Variants in CFAP44 observed in about 807,000 individuals in gnomAD.
CFAP44 encodes cilia and flagella associated protein 44, also known as cilia- and flagella-associated protein 44.
A neutral mutation model predicts 216.2 loss-of-function variants in CFAP44; 134 were observed. The observed-to-expected ratio is 0.62, with a 90% confidence interval of 0.54 to 0.72. CFAP44 has a LOEUF of 0.72. CFAP44 is among the 30% of genes least tolerant of loss of function. The probability of loss-of-function intolerance (pLI) is 0.00; values close to 1 mark genes in which losing one functional copy is unlikely to be tolerated. For synonymous variants in CFAP44, 700 were observed against 727.6 expected (o/e 0.96, Z 0.61); for missense variants, 2,035 against 2,182.1 (o/e 0.93, Z 1.34).
chr3:113,368,366 A>G (rs1217538168), intron 18 of CFAP44, among the ~76,000 whole-genome samples: 1 of 152,254 alleles, frequency 6.6e-6, no homozygotes, highest in Non-Finnish European at 1.5e-5. Context: ...CACAAAGGGA[A>G]GACCGTCAGA....
At chr3:113,408,940 A>C (rs1421522699) in intron 7 of CFAP44, among the ~76,000 whole-genome samples, 166 bp downstream of exon 7, 1 of 149,910 alleles carries the variant, frequency 6.7e-6, no homozygotes, top group Admixed American at 6.8e-5. Flanking sequence ...TAATTAGAAA[A>C]GGTGCATTAC....
At chr3:113,384,973 A>G (rs1055979857) in intron 15 of CFAP44, among the ~76,000 whole-genome samples, 1 of 152,180 alleles carries the variant, frequency 6.6e-6, no homozygotes, top group African/African-American at 2.4e-5. Context: ...AGCCCCCACA[A>G]TTCCCACATG....
At chr3:113,331,668 A>AC (rs1191497601) in intron 25 of CFAP44, among the ~76,000 whole-genome samples, 1 of 152,050 alleles carries the variant, frequency 6.6e-6, no homozygotes, top group Non-Finnish European at 1.5e-5. Context: ...AGATTAGGCC[A>AC]CCAAGAACAA....
At chr3:113,399,794 T>G in intron 13 of CFAP44, 112 bp downstream of exon 13, 2 of 662,030 alleles carry the variant, frequency 3.0e-6, no homozygotes, top group Non-Finnish European at 4.8e-6. Flanking sequence ...ACTTAAAACT[T>G]TTATTATTCC....
chr3:113,334,818 T>G (rs1950268889), intron 24 of CFAP44, among the ~76,000 whole-genome samples: 1 of 152,208 alleles, frequency 6.6e-6, no homozygotes, highest in Non-Finnish European at 1.5e-5. Context: ...TATCTAAAGG[T>G]ATGGGCTATC....
chr3:113,379,624 C>A, intron 16 of CFAP44, 73 bp from the exon 17 acceptor site: 1 of 1,199,094 alleles, frequency 8.3e-7, no homozygotes, highest in Non-Finnish European at 1.1e-6. Context: ...TTAGGGATGA[C>A]AATGAAAATA....
chr3:113,374,677 C>G (rs1042625395), intron 17 of CFAP44, among the ~76,000 whole-genome samples: 1 of 152,176 alleles, frequency 6.6e-6, no homozygotes, highest in African/African-American at 2.4e-5. Context: ...CTCTGTCACC[C>G]AGGCTGGAAT....
intron 21 of CFAP44, among the ~76,000 whole-genome samples, chr3:113,361,826 A>G (rs939739727): frequency 1.3e-5 from 2 of 151,156 alleles, no homozygotes; most frequent in South Asian, 2.1e-4. Flanking sequence ...TTTCTGCTTT[A>G]TATTTTGAAG....
At position 113,401,816 on chromosome 3, in the gene CFAP44, A is replaced by AT. The variant is rs558920706; in HGVS notation, c.1171-78dup. 3,118 of 1,418,228 alleles carry AT rather than the reference A, an allele frequency of 2.2e-3. 4 individuals are homozygous for AT. Among genetic ancestry groups the AT allele is most frequent in the Middle Eastern group, 8.3e-3 (33 of 3,970 alleles). 87.9% of individuals were successfully genotyped at this position (1,418,228 alleles called of 1,614,324 possible). A position where few individuals can be genotyped will look rare whatever the true frequency, so the allele number is the denominator to read the frequency against. On this transcript the variant is annotated intron_variant, in intron 9 of 34. Transcript: ENST00000393845. The stretch of plus-strand genomic sequence containing the variant: ...TATTTTCTAAGCCAGAAAAACCCTG[A>AT]TTTTTTTTTCAAAAGTCATTTCTTT...
chr3:113,378,024 G>A (rs1272901511), intron 17 of CFAP44, among the ~76,000 whole-genome samples: 1 of 152,132 alleles, frequency 6.6e-6, no homozygotes, highest in Non-Finnish European at 1.5e-5. Context: ...CTAAATATGC[G>A]TGGAGTTTTC....
At chr3:113,439,726 G>A (rs538859607) in intron 1 of CFAP44, among the ~76,000 whole-genome samples, 1 of 152,328 alleles carries the variant, frequency 6.6e-6, no homozygotes, top group South Asian at 2.1e-4. Context: ...GCAGAGGAGT[G>A]TGTTGCTAGA....
intron 22 of CFAP44, among the ~76,000 whole-genome samples, chr3:113,346,849 T>A (rs923286308): frequency 6.6e-6 from 1 of 152,228 alleles, no homozygotes; most frequent in African/African-American, 2.4e-5. Context: ...TCCCCTTCCA[T>A]GCTGTGGAAG....
chr3:113,404,738 AG>A, intron 8 of CFAP44, among the ~76,000 whole-genome samples: 1 of 152,288 alleles, frequency 6.6e-6, no homozygotes, highest in Middle Eastern at 3.4e-3. Flanking sequence ...ACCCCCGCAA[AG>A]GAACCATATG....
chr3:113,294,462 T>C, intron 34 of CFAP44: 1 of 500,028 alleles, frequency 2.0e-6, no homozygotes, highest in Non-Finnish European at 3.5e-6. Context: ...GATTAGTACT[T>C]ACGTGAGTTC....
chr3:113,421,301 C>T (rs139802265), intron 4 of CFAP44, among the ~76,000 whole-genome samples: 3,827 of 152,276 alleles, frequency 0.025, 60 homozygotes, highest in East Asian at 0.052. Flanking sequence ...TACCATCTCA[C>T]ACCAGTCAGA....
Position 113,358,823 on chromosome 3 carries a change from A to C in CFAP44, c.2987T>G (p.Phe996Cys). Residue 996 changes from phenylalanine (F) to cysteine (C), a missense_variant, in exon 22 of 35, where the codon TTC becomes TGC. Transcript: ENST00000393845. Reference sequence around the variant, plus strand: ...TTCCTTTTCCACTTGTTGAATTTTGAAAGCTGTTTTTCTGTGCATCTCAGC... The same window carrying C: ...TTCCTTTTCCACTTGTTGAATTTTGCAAGCTGTTTTTCTGTGCATCTCAGC... Reference protein sequence around the residue: ...IRAEMHRKTAFKIQQVEKELA... With the variant: ...IRAEMHRKTACKIQQVEKELA... The C allele has an allele frequency of 6.5e-7, 1 of 1,536,858 alleles. No individual in the cohort carries two copies. Among genetic ancestry groups the C allele is most frequent in the Non-Finnish European group, 8.7e-7 (1 of 1,146,620 alleles).
intron 24 of CFAP44, among the ~76,000 whole-genome samples, chr3:113,339,697 G>A (rs1950312960): frequency 6.6e-6 from 1 of 152,120 alleles, no homozygotes; most frequent in Non-Finnish European, 1.5e-5. Flanking sequence ...GCTTGGAATC[G>A]AGGTTGGGAC....
chr3:113,324,190 T>G (rs1333696665), intron 28 of CFAP44, among the ~76,000 whole-genome samples: 1 of 152,078 alleles, frequency 6.6e-6, no homozygotes, highest in African/African-American at 2.4e-5. Flanking sequence ...GTTTAAAGAA[T>G]AATTACCACC....
At chr3:113,329,572 CAG>C (rs1326254578) in intron 26 of CFAP44, among the ~76,000 whole-genome samples, 1 of 152,170 alleles carries the variant, frequency 6.6e-6, no homozygotes, top group Non-Finnish European at 1.5e-5. Context: ...TGGCTGACAG[CAG>C]AGAGTTATCT....
Sources: allele counts gnomAD v4.1 joint callset (sites outside exome capture counted in the v4.1 genomes callset), GRCh38; gene constraint gnomAD v4.1.1; transcripts MANE v1.5; gene names NCBI Gene and HGNC (gene_info 2026-07-23, HGNC 2026-07-21).